Variants in ABR observed in about 807,000 individuals in gnomAD.
ABR encodes ABR activator of RhoGEF and GTPase, also known as active breakpoint cluster region-related protein.
ABR carries 35 observed loss-of-function variants against 107.2 expected under a neutral mutation model. The observed-to-expected ratio is 0.33, with a 90% CI of 0.25 to 0.43. ABR has a LOEUF of 0.43. Ranked by LOEUF, ABR falls within the 20% of genes least tolerant of loss-of-function variation. ABR has a pLI of 1.00. For missense variants in ABR, 815 were observed against 1,115.2 expected, an observed-to-expected ratio of 0.73 and a Z score of 3.83; for synonymous variants, 498 against 462.0, an observed-to-expected ratio of 1.08 and a Z score of -1.00.
intron 1 of ABR, among the ~76,000 whole-genome samples, chr17:1,195,937 T>C: frequency 6.6e-6 from 1 of 150,542 alleles, no homozygotes; most frequent in East Asian, 1.9e-4. Flanking sequence ...GAGACGAGCC[T>C]GGGCAACATG....
At chr17:1,019,620 A>C (rs550450715) in intron 16 of ABR, among the ~76,000 whole-genome samples, 6 of 152,384 alleles carry the variant, frequency 3.9e-5, no homozygotes, top group African/African-American at 1.4e-4. Flanking sequence ...TCAGGATATC[A>C]TTTAAACACA....
chr17:1,107,429 T>G (rs1291811765), intron 2 of ABR, among the ~76,000 whole-genome samples: 2 of 152,180 alleles, frequency 1.3e-5, no homozygotes, highest in Non-Finnish European at 2.9e-5. Context: ...TCCAGGAGAA[T>G]GGGATATAAT....
chr17:1,011,168 G>A lies in ABR; in HGVS notation c.2102-305C>T, dbSNP rs1391736096. 8.5e-5 allele frequency: 33 copies of A among 387,992 alleles called. No homozygotes were observed. In the South Asian group the frequency reaches 8.7e-4, roughly 10 times the overall value. The allele number at this position is 387,992 out of a possible 1,614,324, so 24.0% of individuals were successfully genotyped here. ...ACCATGTGGCCTGCAGCTTCCTTCCGACTGGAACCTCTCCATCGCTAAGCC... is the reference window on the plus strand; with the variant it reads ...ACCATGTGGCCTGCAGCTTCCTTCCAACTGGAACCTCTCCATCGCTAAGCC... On this transcript the variant is annotated intron_variant, in intron 19 of 22. Transcript: ENST00000302538. This position sits in a 1 kb window ranked among gnomAD's most constrained non-coding sequence, Gnocchi z 4.8.
chr17:1,013,487 C>T (rs1482784883), intron 16 of ABR, among the ~76,000 whole-genome samples: 2 of 151,640 alleles, frequency 1.3e-5, no homozygotes, highest in African/African-American at 4.9e-5. Flanking sequence ...GTTAGGCACT[C>T]CTGGCTGCCA....
intron 16 of ABR, among the ~76,000 whole-genome samples, chr17:1,017,911 T>C (rs926078681): frequency 1.3e-5 from 2 of 151,796 alleles, no homozygotes; most frequent in Non-Finnish European, 2.9e-5. Flanking sequence ...CCTGTATTTA[T>C]TTTTCTAGAG....
intron 1 of ABR, among the ~76,000 whole-genome samples, chr17:1,193,445 C>T (rs2042480269): frequency 6.6e-6 from 1 of 152,230 alleles, no homozygotes; most frequent in Non-Finnish European, 1.5e-5. Context: ...GCCACAGTCA[C>T]CACGCCCGCT....
chr17:1,058,134 ATC>A, intron 11 of ABR, 89 bp from the exon 12 acceptor site: 6 of 471,530 alleles, frequency 1.3e-5, no homozygotes, highest in Non-Finnish European at 1.4e-5. Context: ...AGCTCCTTTT[ATC>A]TTTTTTTTTT....
intron 1 of ABR, among the ~76,000 whole-genome samples, chr17:1,134,476 A>T (rs892129881): frequency 1.3e-5 from 2 of 152,192 alleles, no homozygotes; most frequent in African/African-American, 2.4e-5. Context: ...CATTTCCCTC[A>T]TGCTGTTCAG....
At chr17:1,161,782 T>C (rs565920974) in intron 1 of ABR, among the ~76,000 whole-genome samples, 71 of 152,254 alleles carry the variant, frequency 4.7e-4, no homozygotes, top group African/African-American at 1.6e-3. Context: ...CTCAAACTCC[T>C]GACCTCAGGT....
chr17:1,126,013 T>C (rs1440941130), intron 1 of ABR, among the ~76,000 whole-genome samples: 1 of 152,140 alleles, frequency 6.6e-6, no homozygotes, highest in African/African-American at 2.4e-5. Context: ...TGCTTATTTC[T>C]ATCACCCCAG....
intron 1 of ABR, among the ~76,000 whole-genome samples, chr17:1,214,569 A>C (rs2042962334): frequency 6.6e-6 from 1 of 152,166 alleles, no homozygotes; most frequent in Non-Finnish European, 1.5e-5. Context: ...TGGGAGGCTG[A>C]GGCAGGTAGA....
rs2037810668 is a variant in ABR, at chr17:1,100,812, C to A, written c.247-77G>T. 8 of 1,360,196 alleles carry A rather than the reference C, an allele frequency of 5.9e-6. No individual in the cohort carries two copies. In the South Asian group the frequency reaches 7.0e-5, roughly 12 times the overall value. 84.3% of individuals were successfully genotyped at this position (1,360,196 alleles called of 1,614,324 possible). A position where few individuals can be genotyped will look rare whatever the true frequency, so the allele number is the denominator to read the frequency against. The stretch of plus-strand genomic sequence containing the variant: ...CCTGCGTGGACGGTCTGCTTCCCTG[C>A]CCTTCCCCCCCGACCTTTATTTTTT... On this transcript the variant is annotated intron_variant, in intron 2 of 22. Transcript: ENST00000302538.
At chr17:1,172,885 C>A (rs1478528401) in intron 1 of ABR, among the ~76,000 whole-genome samples, 1 of 152,036 alleles carries the variant, frequency 6.6e-6, no homozygotes, top group Non-Finnish European at 1.5e-5. Flanking sequence ...CTGCAGAACT[C>A]TCCCCCTGGT....
chr17:1,109,313 C>A (rs911106895), intron 2 of ABR, among the ~76,000 whole-genome samples: 1 of 151,872 alleles, frequency 6.6e-6, no homozygotes. Context: ...GACGCCGTGC[C>A]CGGCCCGTGG....
At position 1,210,230 on chromosome 17, in the gene ABR, G is replaced by C. The variant is rs2042875341; in HGVS notation, c.838+18563C>G. ...ACCTGCGTAGAAAGTTCTGACCTAA[G>C]CCGGGCGCCGTGGCTCACACCTGTA... On this transcript the variant is annotated intron_variant, in intron 1 of 22. Coordinates refer to the ABR transcript ENST00000574139. This position sits in a 1 kb window ranked among gnomAD's most constrained non-coding sequence, Gnocchi z 5.6. Among the ~76,000 whole-genome samples, 1 of 152,188 alleles carries C rather than the reference G, an allele frequency of 6.6e-6. No homozygotes were observed. The highest frequency in any genetic ancestry group is 2.1e-4 in the South Asian group (1 of 4,826).
At chr17:1,047,643 A>G (rs964474172) in intron 16 of ABR, among the ~76,000 whole-genome samples, 1 of 152,204 alleles carries the variant, frequency 6.6e-6, no homozygotes, top group African/African-American at 2.4e-5. Flanking sequence ...GTTTCTTTTA[A>G]TATCAACTCC....
intron 16 of ABR, among the ~76,000 whole-genome samples, chr17:1,032,587 G>A (rs4968148): frequency 0.24 from 28,875 of 118,492 alleles, 4,210 homozygotes; most frequent in Admixed American, 0.31. Context: ...CGCAGAGGAC[G>A]CCACGGGCAA....
In ABR at chr17:1,217,444, A is replaced by C. The variant is rs747058829; in HGVS notation, c.838+11349T>G. ...TAACAGTGGGGATAATCATAAAATT[A>C]ACCAACACGTACTGAGTGGTTACCA... On this transcript the variant is annotated intron_variant, in intron 1 of 22. Transcript: ENST00000574139. Among the ~76,000 whole-genome samples the C allele has an allele frequency of 6.9e-4, 105 of 152,306 alleles. 1 individual carries two copies. In the Middle Eastern group the frequency reaches 0.017, roughly 25 times the overall value.
rs567080668 is a variant in ABR, at chr17:1,144,644, C to T, written c.62-19277G>A. ...CAGTGGCTCACGCCTGCAATCCCAG[C>T]ACTTTGGGAGGCTGAGGTGGGTGGA... On this transcript the variant is annotated intron_variant, in intron 1 of 22. Transcript: ENST00000302538. Among the ~76,000 whole-genome samples, 274 of 151,284 alleles carry T rather than the reference C, an allele frequency of 1.8e-3. 2 individuals carry two copies. The highest frequency in any genetic ancestry group is 7.0e-3 in the Middle Eastern group (2 of 284).
Sources: allele counts gnomAD v4.1 joint callset (sites outside exome capture counted in the v4.1 genomes callset), GRCh38; gene constraint gnomAD v4.1.1; non-coding constraint Gnocchi (gnomAD v3.1); transcripts MANE v1.5; gene names NCBI Gene and HGNC (gene_info 2026-07-23, HGNC 2026-07-21).